ZBTB18: variants seen among roughly 807,000 people sequenced by gnomAD.
The protein encoded by ZBTB18 is zinc finger and BTB domain-containing protein 18.
Under a neutral mutation model 37.7 loss-of-function variants are expected in ZBTB18, and 2 were observed. The observed-to-expected ratio is 0.05, with a 90% CI of 0.02 to 0.17. The LOEUF is 0.17. ZBTB18 is among the 10% of genes least tolerant of loss of function. The probability of loss-of-function intolerance (pLI) is 1.00; values close to 1 mark genes in which losing one functional copy is unlikely to be tolerated. For synonymous variants in ZBTB18, 304 were observed against 276.5 expected (o/e 1.10, Z -0.99); for missense variants, 408 against 686.3 (o/e 0.59, Z 4.53).
At position 244,054,561 on chromosome 1, in the gene ZBTB18, C is replaced by G; in HGVS notation, c.787C>G (p.Leu263Val). The change falls in exon 2 of 2, where the codon CTG becomes GTG. Residue 263 changes from leucine to valine, a missense_variant. Transcript: ENST00000358704. This position sits in a 1 kb window ranked among gnomAD's most constrained non-coding sequence, Gnocchi z 9.0. ...VKSSLSGVENLNSSYFSSQDV... is the reference protein window; with the variant it reads ...VKSSLSGVENVNSSYFSSQDV... The stretch of plus-strand genomic sequence containing the variant: ...GTCCAGCCTTTCAGGAGTTGAAAAT[C>G]TGAACAGCTCTTATTTCTCTTCACA... 1 of 1,614,226 alleles carries G rather than the reference C, an allele frequency of 6.2e-7. No individual in the cohort carries two copies. The highest frequency in any genetic ancestry group is 8.5e-7 in the Non-Finnish European group (1 of 1,180,044).
intron 1 of ZBTB18, among the ~76,000 whole-genome samples, chr1:244,052,346 T>C (rs1187602188): frequency 6.6e-6 from 1 of 152,254 alleles, no homozygotes; most frequent in Non-Finnish European, 1.5e-5. Flanking sequence ...TGTGGGGCAC[T>C]TAAAGTGATT....
Position 244,055,392 on chromosome 1 carries a change from A to T in ZBTB18, c.*22A>T. On this transcript the variant is annotated 3_prime_UTR_variant, in exon 2 of 2. Coordinates refer to ENST00000358704, the MANE Select transcript of ZBTB18 (RefSeq NM_205768.3). The surrounding 1 kb of genome is among the most constrained non-coding windows in gnomAD (Gnocchi z 7.0). ...ATAATTTTATATATATATAAATAAT[A>T]TATATATATATACATATATATAAAT... The T allele has an allele frequency of 2.4e-5, 16 of 662,184 alleles. No individual in the cohort carries two copies. Among genetic ancestry groups the T allele is most frequent in the South Asian group, 7.0e-5 (1 of 14,354 alleles). 41.0% of individuals were successfully genotyped at this position (662,184 alleles called of 1,614,324 possible).
chr1:244,050,055 C>T (rs980306003), upstream of ZBTB18, among the ~76,000 whole-genome samples: 5 of 152,224 alleles, frequency 3.3e-5, no homozygotes, highest in African/African-American at 1.2e-4. Flanking sequence ...ATGTCACTCA[C>T]CGCGAAGTTG....
rs536822589 is a variant in ZBTB18 at position 244,054,890 on chromosome 1, G to A, written c.1116G>A (p.Leu372=). 6.2e-7 allele frequency: 1 copy of A among 1,614,134 alleles called. No individual in the cohort carries two copies. The highest frequency in any genetic ancestry group is 1.3e-5 in the African/African-American group (1 of 75,038). Residue 372 remains leucine (L), a synonymous_variant, in exon 2 of 2, where the codon CTG becomes CTA. Coordinates refer to ENST00000358704, the MANE Select transcript of ZBTB18 (RefSeq NM_205768.3). The surrounding 1 kb of genome is among the most constrained non-coding windows in gnomAD (Gnocchi z 9.0). ...SSLLPYVSNI[L]SPAGQIFMCP... Reference sequence around the variant, plus strand: ...TGCTCCCCTACGTCTCCAACATCCTGAGCCCCGCGGGCCAGATCTTCATGT... The same window carrying A: ...TGCTCCCCTACGTCTCCAACATCCTAAGCCCCGCGGGCCAGATCTTCATGT...
At chr1:244,051,482 T>C in intron 1 of ZBTB18, 38 bp downstream of exon 1, 1 of 1,611,828 alleles carries the variant, frequency 6.2e-7, no homozygotes, top group Non-Finnish European at 8.5e-7. Context: ...CATATTTCTG[T>C]TTTGGTGTTT....
In ZBTB18 at chr1:244,053,720, A is replaced by G. The variant is rs1698397091; in HGVS notation, c.14-68A>G. ...CGGCCAAAGCGGAATTAATTTTTTT[A>G]TATGGGGACTGGAGCGCTGAAAAGT... is the stretch of plus-strand genomic sequence containing the variant. On this transcript the variant is annotated intron_variant, in intron 1 of 1. Coordinates refer to ENST00000358704, the MANE Select transcript of ZBTB18 (RefSeq NM_205768.3). The surrounding 1 kb of genome is among the most constrained non-coding windows in gnomAD (Gnocchi z 5.2). The G allele has an allele frequency of 2.0e-6, 3 of 1,529,582 alleles. No individual in the cohort carries two copies. Among genetic ancestry groups the G allele is most frequent in the African/African-American group, 1.4e-5 (1 of 71,952 alleles). 94.8% of individuals were successfully genotyped at this position (1,529,582 alleles called of 1,614,324 possible). A position where few individuals can be genotyped will look rare whatever the true frequency, so the allele number is the denominator to read the frequency against.
chr1:244,050,106 A>T (rs1188088391), upstream of ZBTB18, among the ~76,000 whole-genome samples: 1 of 152,254 alleles, frequency 6.6e-6, no homozygotes, highest in African/African-American at 2.4e-5. Context: ...CGAGAAGGAC[A>T]GGACGGAGTC....
Position 244,054,513 on chromosome 1 carries a change from T to A in ZBTB18, c.739T>A (p.Cys247Ser). ...CGTGAGGGATTCGGCAGATGTTGAC[T>A]GTGTGCTGGACCTGTCTGTCAAGTC... ...TSVRDSADVD[C>S]VLDLSVKSSL... Residue 247 changes from cysteine to serine, a missense_variant, in exon 2 of 2, where the codon TGT (cysteine) becomes AGT (serine). Cys to Ser is a moderately radical substitution (Grantham distance 112). Transcript: ENST00000358704. This position sits in a 1 kb window ranked among gnomAD's most constrained non-coding sequence, Gnocchi z 9.0. 1.2e-6 allele frequency: 2 copies of A among 1,614,218 alleles called. No individual in the cohort carries two copies. The highest frequency in any genetic ancestry group is 1.7e-6 in the Non-Finnish European group (2 of 1,180,040).
upstream of ZBTB18, chr1:244,048,855 G>T (rs1698288375): frequency 6.7e-6 from 1 of 148,426 alleles, no homozygotes; most frequent in South Asian, 1.8e-4. Flanking sequence ...ATTGGGGGGT[G>T]GGGGGGCCGG....
chr1:244,050,339 G>A (rs1572528025), upstream of ZBTB18, among the ~76,000 whole-genome samples: 2 of 152,014 alleles, frequency 1.3e-5, no homozygotes, highest in South Asian at 4.1e-4. Context: ...TCAGCTATTA[G>A]AAAAGACCCA....
rs1572532728 is a variant in ZBTB18 at position 244,056,124 on chromosome 1, G to C, written c.*754G>C. On this transcript the variant is annotated 3_prime_UTR_variant, in exon 2 of 2. Coordinates refer to ENST00000358704, the MANE Select transcript of ZBTB18 (RefSeq NM_205768.3). Reference sequence around the variant, plus strand: ...GTCAAAGAACTTGACAGGTTGTGTTGATGCTCTTAGTTGAGTCTTGAAAAG... The same window carrying C: ...GTCAAAGAACTTGACAGGTTGTGTTCATGCTCTTAGTTGAGTCTTGAAAAG... 1.8e-5 allele frequency: 3 copies of C among 167,174 alleles called. No homozygotes were observed. 10.4% of individuals were successfully genotyped at this position (167,174 alleles called of 1,614,324 possible). A position where few individuals can be genotyped will look rare whatever the true frequency, so the allele number is the denominator to read the frequency against.
rs188369566 is a variant in ZBTB18, at chr1:244,055,999, T to C, written c.*629T>C. On this transcript the variant is annotated 3_prime_UTR_variant, in exon 2 of 2. Coordinates refer to ENST00000358704, the MANE Select transcript of ZBTB18 (RefSeq NM_205768.3). The surrounding 1 kb of genome is among the most constrained non-coding windows in gnomAD (Gnocchi z 7.0). ...CTGTCTTATGAAGGTTTGCTTGGGA[T>C]GAAAAAGGATATTGCAGCTTCAGCA... 1.2e-5 allele frequency: 2 copies of C among 167,198 alleles called. No individual in the cohort carries two copies. The highest frequency in any genetic ancestry group is 3.9e-4 in the East Asian group (2 of 5,184). The allele number at this position is 167,198 out of a possible 1,614,324, so 10.4% of individuals were successfully genotyped here. A position where few individuals can be genotyped will look rare whatever the true frequency, so the allele number is the denominator to read the frequency against.
upstream of ZBTB18, among the ~76,000 whole-genome samples, chr1:244,050,705 T>C (rs1430062405): frequency 6.6e-6 from 1 of 152,130 alleles, no homozygotes; most frequent in African/African-American, 2.4e-5. Context: ...TAGTTGTAGA[T>C]AAGTAATTAC....
At chr1:244,049,513 G>T (rs1356832076), upstream of ZBTB18, among the ~76,000 whole-genome samples, 1 of 151,736 alleles carries the variant, frequency 6.6e-6, no homozygotes. Flanking sequence ...GAGGCCCCGG[G>T]GGCTCGCGCG....
At position 244,054,827 on chromosome 1, in the gene ZBTB18, C is replaced by T. The variant is rs991537470; in HGVS notation, c.1053C>T (p.Ser351=). The change falls in exon 2 of 2, where the codon AGC becomes AGT. Residue 351 remains serine (S), a synonymous_variant. Coordinates refer to ENST00000358704, the MANE Select transcript of ZBTB18 (RefSeq NM_205768.3). This position sits in a 1 kb window ranked among gnomAD's most constrained non-coding sequence, Gnocchi z 9.0. The part of the protein sequence containing the change: ...ASDDEMMTPE[S]ERVQVEGGME... The stretch of plus-strand genomic sequence containing the variant: ...ATGATGAGATGATGACCCCAGAGAG[C>T]GAGCGTGTCCAGGTGGAGGGAGGCA... The T allele has an allele frequency of 5.6e-6, 9 of 1,613,992 alleles. No homozygotes were observed. The highest frequency in any genetic ancestry group is 4.0e-5 in the African/African-American group (3 of 74,900).
At position 244,054,323 on chromosome 1, in the gene ZBTB18, G is replaced by C. The variant is rs1216851116; in HGVS notation, c.549G>C (p.Arg183Ser). Residue 183 changes from arginine to serine, a missense_variant, in exon 2 of 2, where the codon AGG (arginine) becomes AGC (serine). Arg to Ser is a moderately radical substitution (Grantham distance 110). Transcript: ENST00000358704. The surrounding 1 kb of genome is among the most constrained non-coding windows in gnomAD (Gnocchi z 9.0). ...DEKLNILPSK[R>S]DLAAEPGNMW... ...AATTGAACATCCTGCCCAGCAAAAG[G>C]GACTTGGCGGCCGAGCCTGGGAACA... 6 of 1,614,054 alleles carry C rather than the reference G, an allele frequency of 3.7e-6. No homozygotes were observed. Among genetic ancestry groups the C allele is most frequent in the Non-Finnish European group, 5.1e-6 (6 of 1,180,034 alleles).
upstream of ZBTB18, among the ~76,000 whole-genome samples, chr1:244,050,038 C>A (rs968698531): frequency 6.6e-6 from 1 of 152,210 alleles, no homozygotes; most frequent in African/African-American, 2.4e-5. Context: ...ACTAAGTGTT[C>A]ATAATTATGT....
rs1490479097 is a variant in ZBTB18 at position 244,055,944 on chromosome 1, T to C, written c.*574T>C. 6.0e-6 allele frequency: 1 copy of C among 167,102 alleles called. No homozygotes were observed. Among genetic ancestry groups the C allele is most frequent in the Admixed American group, 6.5e-5 (1 of 15,288 alleles). The allele number at this position is 167,102 out of a possible 1,614,324, so 10.4% of individuals were successfully genotyped here. ...TTCTGACAGTTCCCAGTGAGAGAAATGCTGAAAGTACACTGGGATCACTGG... is the reference window on the plus strand; with the variant it reads ...TTCTGACAGTTCCCAGTGAGAGAAACGCTGAAAGTACACTGGGATCACTGG... On this transcript the variant is annotated 3_prime_UTR_variant, in exon 2 of 2. Transcript: ENST00000358704. The surrounding 1 kb of genome is among the most constrained non-coding windows in gnomAD (Gnocchi z 7.0).
At chr1:244,050,740 C>G (rs755662483), upstream of ZBTB18, among the ~76,000 whole-genome samples, 1 of 151,974 alleles carries the variant, frequency 6.6e-6, no homozygotes, top group East Asian at 1.9e-4. Flanking sequence ...ATAAGGTGAA[C>G]CAGTCTGAAG....
Sources: allele counts gnomAD v4.1 joint callset (sites outside exome capture counted in the v4.1 genomes callset), GRCh38; gene constraint gnomAD v4.1.1; non-coding constraint Gnocchi (gnomAD v3.1); transcripts MANE v1.5; gene names NCBI Gene and HGNC (gene_info 2026-07-23, HGNC 2026-07-21).